PCDHGA6: variants seen among roughly 807,000 people sequenced by gnomAD.
The protein encoded by PCDHGA6 is protocadherin gamma-A6.
A neutral mutation model predicts 60.6 loss-of-function variants in PCDHGA6; 41 were observed. The ratio of observed to expected loss-of-function variants is 0.68; its 90% CI spans 0.53 to 0.88. PCDHGA6 has a LOEUF of 0.88. Ranked by LOEUF, PCDHGA6 falls within the 40% of genes least tolerant of loss-of-function variation. The probability of loss-of-function intolerance (pLI) is 0.00; values close to 1 mark genes in which losing one functional copy is unlikely to be tolerated. For missense variants in PCDHGA6, 1,312 were observed against 1,203.0 expected (o/e 1.09, Z -1.34); for synonymous variants, 594 against 524.4 (o/e 1.13, Z -1.81).
At chr5:141,399,658 T>C (rs766038311) in intron 1 of PCDHGA6, 2 of 1,613,690 alleles carry the variant, frequency 1.2e-6, no homozygotes, top group South Asian at 2.2e-5. Flanking sequence ...TGGGGTGGTG[T>C]TCGCGCAGCG....
chr5:141,487,750 T>A lies in PCDHGA6; in HGVS notation c.2425-7057T>A, dbSNP rs2099664307. On this transcript the variant is annotated intron_variant, in intron 1 of 3. Coordinates refer to ENST00000517434, the MANE Select transcript of PCDHGA6 (RefSeq NM_018919.3). The surrounding 1 kb of genome is among the most constrained non-coding windows in gnomAD (Gnocchi z 5.0). Reference sequence around the variant, plus strand: ...TCACCATTTTTGTAAGAGGTAACTATGTGGTAGACGCTGTGCTTTGTAACT... The same window carrying A: ...TCACCATTTTTGTAAGAGGTAACTAAGTGGTAGACGCTGTGCTTTGTAACT... 1 of 1,555,392 alleles carries A rather than the reference T, an allele frequency of 6.4e-7. No homozygotes were observed. Among genetic ancestry groups the A allele is most frequent in the African/African-American group, 1.4e-5 (1 of 73,376 alleles).
In PCDHGA6 at chr5:141,489,223, C is replaced by T. The variant is rs771455540; in HGVS notation, c.2425-5584C>T. The T allele has an allele frequency of 6.6e-7, 1 of 1,515,444 alleles. No homozygotes were observed. The highest frequency in any genetic ancestry group is 1.3e-5 in the South Asian group (1 of 75,776). 93.9% of individuals were successfully genotyped at this position (1,515,444 alleles called of 1,614,324 possible). A position where few individuals can be genotyped will look rare whatever the true frequency, so the allele number is the denominator to read the frequency against. The stretch of plus-strand genomic sequence containing the variant: ...CAGGACAGCACAGACTTACTCTCCA[C>T]AAAGGGACTTCTGGGTCATGGGGCC... On this transcript the variant is annotated intron_variant, in intron 1 of 3. Coordinates refer to ENST00000517434, the MANE Select transcript of PCDHGA6 (RefSeq NM_018919.3). The surrounding 1 kb of genome is among the most constrained non-coding windows in gnomAD (Gnocchi z 4.5).
chr5:141,451,443 C>A (rs1184838490), intron 1 of PCDHGA6, among the ~76,000 whole-genome samples: 1 of 152,176 alleles, frequency 6.6e-6, no homozygotes, highest in Non-Finnish European at 1.5e-5. Context: ...CAGTTCCTTG[C>A]TGGTTGTTAG....
intron 1 of PCDHGA6, chr5:141,409,428 C>T (rs2095264686): frequency 6.2e-7 from 1 of 1,613,870 alleles, no homozygotes; most frequent in Admixed American, 1.7e-5. Context: ...ACAGATGGAG[C>T]CCTGGACCGA....
At chr5:141,454,796 ATTTTTTT>A (rs61612330) in intron 1 of PCDHGA6, among the ~76,000 whole-genome samples, 2,943 of 77,244 alleles carry the variant, frequency 0.038, 52 homozygotes, top group African/African-American at 0.09. Context: ...CATGGTTCTA[ATTTTTTT>A]TTTTTTTTTT....
At chr5:141,416,761 C>G (rs1371541017) in intron 1 of PCDHGA6, 2 of 152,140 alleles carry the variant, frequency 1.3e-5, no homozygotes, top group Non-Finnish European at 2.9e-5. Context: ...AGGTAGATCT[C>G]TTAATTTTAT....
chr5:141,487,771 T>C lies in PCDHGA6; in HGVS notation c.2425-7036T>C. The C allele has an allele frequency of 1.3e-6, 2 of 1,537,446 alleles. No homozygotes were observed. Among genetic ancestry groups the C allele is most frequent in the South Asian group, 2.4e-5 (2 of 82,456 alleles). ...ACTATGTGGTAGACGCTGTGCTTTGTAACTGTTTCGTGAATTAACCAGAGT... is the reference window on the plus strand; with the variant it reads ...ACTATGTGGTAGACGCTGTGCTTTGCAACTGTTTCGTGAATTAACCAGAGT... On this transcript the variant is annotated intron_variant, in intron 1 of 3. Coordinates refer to ENST00000517434, the MANE Select transcript of PCDHGA6 (RefSeq NM_018919.3). This position sits in a 1 kb window ranked among gnomAD's most constrained non-coding sequence, Gnocchi z 5.0.
At position 141,404,691 on chromosome 5, in the gene PCDHGA6, G is replaced by A. The variant is rs200601931; in HGVS notation, c.2424+28184G>A. ...TCTACTGGTGTGGAGCTGGCACCCC[G>A]CTCTGCAGAGCCTGGCTACCTGGTG... is the stretch of plus-strand genomic sequence containing the variant. On this transcript the variant is annotated intron_variant, in intron 1 of 3. Transcript: ENST00000517434. 1.4e-5 allele frequency: 22 copies of A among 1,613,996 alleles called. No individual in the cohort carries two copies. The East Asian group carries it at 3.8e-4, about 28-fold the overall frequency.
At chr5:141,418,878 A>G (rs1193526475) in intron 1 of PCDHGA6, 2 of 1,613,930 alleles carry the variant, frequency 1.2e-6, no homozygotes, top group Non-Finnish European at 8.5e-7. Context: ...GTTGTAGACG[A>G]AAACGACAAC....
intron 1 of PCDHGA6, chr5:141,419,559 T>C: frequency 6.2e-7 from 1 of 1,611,930 alleles, no homozygotes. Context: ...TACCCTGCGC[T>C]GGGTCCCGAC....
intron 1 of PCDHGA6, chr5:141,382,822 A>C: frequency 7.6e-7 from 1 of 1,310,696 alleles, no homozygotes; most frequent in Non-Finnish European, 1.1e-6. Context: ...TTCCTAAGAC[A>C]GAGGGGTCCA....
At chr5:141,430,909 G>A (rs1054175762) in intron 1 of PCDHGA6, 2 of 1,607,160 alleles carry the variant, frequency 1.2e-6, no homozygotes, top group Non-Finnish European at 1.7e-6. Context: ...ACATCTCCAG[G>A]GACCTGGGGC....
rs980196319 is a variant in PCDHGA6 at position 141,511,604 on chromosome 5, A to C, written c.*431A>C. 3 of 248,420 alleles carry C rather than the reference A, an allele frequency of 1.2e-5. No individual in the cohort carries two copies. Among genetic ancestry groups the C allele is most frequent in the African/African-American group, 6.6e-5 (3 of 45,596 alleles). The allele number at this position is 248,420 out of a possible 1,614,324, so 15.4% of individuals were successfully genotyped here. Reference sequence around the variant, plus strand: ...GGTGTTGAAGTACCAAGTAACCTACAAGCCTCCTAGTTCTGAAAAGTTGGA... The same window carrying C: ...GGTGTTGAAGTACCAAGTAACCTACCAGCCTCCTAGTTCTGAAAAGTTGGA... On this transcript the variant is annotated 3_prime_UTR_variant, in exon 4 of 4. Coordinates refer to ENST00000517434, the MANE Select transcript of PCDHGA6 (RefSeq NM_018919.3).
intron 1 of PCDHGA6, among the ~76,000 whole-genome samples, chr5:141,451,542 G>A (rs1023356681): frequency 3.3e-5 from 5 of 152,148 alleles, no homozygotes; most frequent in Non-Finnish European, 7.3e-5. Context: ...GCCAGAGAGG[G>A]CAAATGTGAT....
chr5:141,417,861 T>A, intron 1 of PCDHGA6: 3 of 1,549,554 alleles, frequency 1.9e-6, no homozygotes, highest in Non-Finnish European at 2.6e-6. Context: ...GAGCGAACGA[T>A]GGGAGGGAGC....
intron 1 of PCDHGA6, chr5:141,403,361 A>T (rs760277157): frequency 3.1e-6 from 5 of 1,614,050 alleles, no homozygotes; most frequent in Middle Eastern, 1.6e-4. Context: ...CCAGGCCGAA[A>T]GTCTGGAAGT....
chr5:141,388,774 G>T, intron 1 of PCDHGA6: 1 of 1,613,878 alleles, frequency 6.2e-7, no homozygotes, highest in Non-Finnish European at 8.5e-7. Context: ...TCTAACACCG[G>T]GGAAATTACT....
chr5:141,377,556 A>T (rs1171611330), intron 1 of PCDHGA6: 1 of 151,728 alleles, frequency 6.6e-6, no homozygotes, highest in African/African-American at 2.4e-5. Context: ...TAATTGTGTC[A>T]CTGCACCCTA....
chr5:141,418,754 G>A (rs748707880), intron 1 of PCDHGA6: 1 of 1,613,926 alleles, frequency 6.2e-7, no homozygotes, highest in South Asian at 1.1e-5. Context: ...TTACACTACA[G>A]GAAACATTCT....
Sources: gnomAD v4.1 joint callset for allele counts (sites outside exome capture counted in the v4.1 genomes callset) on GRCh38, gnomAD v4.1.1 for gene constraint, Gnocchi (gnomAD v3.1) non-coding constraint, MANE v1.5 for transcripts, NCBI Gene and HGNC (gene_info 2026-07-23, HGNC 2026-07-21) for gene names.